The following PRMT3 variants were observed in gnomAD, a reference collection of about 807,000 sequenced individuals.
The protein encoded by PRMT3 is protein arginine methyltransferase 3.
In PRMT3, 62 loss-of-function variants were observed where a neutral mutation model predicts 71.9. That is an observed-to-expected ratio of 0.86 (90% CI 0.70 to 1.07). PRMT3 has a LOEUF of 1.07. Ranked by LOEUF, PRMT3 falls within the 50% of genes least tolerant of loss-of-function variation. The pLI, the probability that PRMT3 is intolerant of heterozygous loss-of-function variation, is 0.00. For missense variants in PRMT3, 663 were observed against 643.0 expected, an observed-to-expected ratio of 1.03 and a Z score of -0.34; for synonymous variants, 213 against 220.4, an observed-to-expected ratio of 0.97 and a Z score of 0.30.
At chr11:20,455,598 G>A (rs1389814688) in intron 11 of PRMT3, among the ~76,000 whole-genome samples, 1 of 151,816 alleles carries the variant, frequency 6.6e-6, no homozygotes, top group Admixed American at 6.6e-5. Flanking sequence ...ACCTTCTTCG[G>A]GTCAAATGAA....
intron 15 of PRMT3, 84 bp from the exon 16 acceptor site, chr11:20,508,220 A>G (rs1851640995): frequency 6.1e-6 from 4 of 653,822 alleles, no homozygotes; most frequent in South Asian, 4.6e-5. Context: ...ATCACAATAA[A>G]AAGAAGTGCT....
chr11:20,476,232 A>C (rs1850780722), intron 13 of PRMT3, among the ~76,000 whole-genome samples: 1 of 151,940 alleles, frequency 6.6e-6, no homozygotes. Flanking sequence ...AGGCGCCTGT[A>C]ATCCCAGCTA....
intron 13 of PRMT3, among the ~76,000 whole-genome samples, chr11:20,479,057 T>G (rs929368543): frequency 2.0e-5 from 3 of 152,192 alleles, no homozygotes; most frequent in African/African-American, 7.2e-5. Flanking sequence ...CTGGTGTATA[T>G]TTTAATAGGC....
At chr11:20,439,598 G>A (rs892586487) in intron 10 of PRMT3, among the ~76,000 whole-genome samples, 13 of 152,212 alleles carry the variant, frequency 8.5e-5, no homozygotes, top group African/African-American at 3.1e-4. Context: ...TGCAGTTTCA[G>A]ACATTGTAGT....
intron 13 of PRMT3, among the ~76,000 whole-genome samples, chr11:20,467,338 G>A (rs1352139710): frequency 6.6e-6 from 1 of 152,156 alleles, no homozygotes; most frequent in Admixed American, 6.5e-5. Context: ...AACCATTTGA[G>A]ATGAGTACTC....
At chr11:20,424,342 A>G (rs997895364) in intron 9 of PRMT3, among the ~76,000 whole-genome samples, 2 of 152,240 alleles carry the variant, frequency 1.3e-5, no homozygotes, top group African/African-American at 4.8e-5. Context: ...AAGGATACAC[A>G]TCTAAATTTG....
intron 13 of PRMT3, among the ~76,000 whole-genome samples, chr11:20,475,431 C>T (rs1056543685): frequency 6.6e-6 from 1 of 152,172 alleles, no homozygotes; most frequent in Non-Finnish European, 1.5e-5. Flanking sequence ...CGCTTTCATT[C>T]TTCTCTGTGA....
Position 20,437,765 on chromosome 11 carries a change from A to G in PRMT3, c.993+10900A>G, listed in dbSNP as rs1181077767. On this transcript the variant is annotated intron_variant, in intron 10 of 15. Transcript: ENST00000331079. ...CCACCATGCCCGGCTAATTTTTTGC[A>G]TTTTTAGTAGAGACAGGGTTTCACC... 2.6e-5 allele frequency among the ~76,000 whole-genome samples: 4 copies of G among 151,854 alleles called. No individual in the cohort carries two copies. The East Asian group carries it at 5.8e-4, about 22-fold the overall frequency.
chr11:20,466,352 A>G (rs573573051), intron 13 of PRMT3, among the ~76,000 whole-genome samples: 6 of 152,282 alleles, frequency 3.9e-5, no homozygotes, highest in African/African-American at 1.4e-4. Flanking sequence ...CTAGCACTGT[A>G]GGTTCTATTT....
At chr11:20,488,176 G>A (rs763084707) in intron 13 of PRMT3, among the ~76,000 whole-genome samples, 20 of 152,098 alleles carry the variant, frequency 1.3e-4, no homozygotes, top group Non-Finnish European at 2.2e-4. Context: ...GTAATTTAAT[G>A]TATAGTTACA....
chr11:20,397,793 T>C, intron 7 of PRMT3, 72 bp downstream of exon 7: 2 of 1,522,456 alleles, frequency 1.3e-6, no homozygotes, highest in Non-Finnish European at 1.8e-6. Flanking sequence ...TTAATATATG[T>C]GTGCACTATA....
At chr11:20,450,989 A>C (rs898384695) in intron 10 of PRMT3, among the ~76,000 whole-genome samples, 1 of 152,198 alleles carries the variant, frequency 6.6e-6, no homozygotes, top group Admixed American at 6.5e-5. Flanking sequence ...TGTGCTGAGC[A>C]CTTGGCTTTC....
intron 10 of PRMT3, among the ~76,000 whole-genome samples, chr11:20,435,580 T>C (rs1361223811): frequency 1.3e-5 from 2 of 152,224 alleles, no homozygotes; most frequent in Non-Finnish European, 2.9e-5. Flanking sequence ...TCCATTCTTC[T>C]CAACAATTGA....
intron 9 of PRMT3, among the ~76,000 whole-genome samples, chr11:20,408,313 A>G (rs1383457255): frequency 6.6e-6 from 1 of 152,020 alleles, no homozygotes; most frequent in Non-Finnish European, 1.5e-5. Context: ...ATAATATAAA[A>G]TTAAAAACTA....
At chr11:20,401,644 G>A (rs985517386) in intron 7 of PRMT3, among the ~76,000 whole-genome samples, 4 of 152,024 alleles carry the variant, frequency 2.6e-5, no homozygotes, top group African/African-American at 9.7e-5. Context: ...TCACCCTAAT[G>A]TGAAACTTAA....
At chr11:20,392,853 G>T in intron 4 of PRMT3, 44 bp from the exon 5 acceptor site, 1 of 1,234,992 alleles carries the variant, frequency 8.1e-7, no homozygotes, top group South Asian at 1.3e-5. Flanking sequence ...GGGATTTTGT[G>T]ATTATATGTA....
intron 13 of PRMT3, among the ~76,000 whole-genome samples, chr11:20,475,723 T>C (rs1361545868): frequency 6.7e-6 from 1 of 150,118 alleles, no homozygotes. Flanking sequence ...GTGCGATCTC[T>C]GCTCACTGCC....
intron 10 of PRMT3, among the ~76,000 whole-genome samples, chr11:20,432,045 T>C (rs925404657): frequency 6.6e-6 from 1 of 152,082 alleles, no homozygotes; most frequent in Non-Finnish European, 1.5e-5. Context: ...AATAGGTCCC[T>C]TGTGTATAAT....
intron 13 of PRMT3, among the ~76,000 whole-genome samples, chr11:20,489,607 A>G (rs763985625): frequency 6.6e-6 from 1 of 152,160 alleles, no homozygotes; most frequent in African/African-American, 2.4e-5. Flanking sequence ...ACTGTAATTG[A>G]AAATAGTGGC....
Sources: gnomAD v4.1 joint callset for allele counts (sites outside exome capture counted in the v4.1 genomes callset) on GRCh38, gnomAD v4.1.1 for gene constraint, MANE v1.5 for transcripts, NCBI Gene and HGNC (gene_info 2026-07-23, HGNC 2026-07-21) for gene names.